Variants in UBA7 observed in about 807,000 individuals in gnomAD.
UBA7 encodes ubiquitin-like modifier-activating enzyme 7.
In UBA7, 88 loss-of-function variants were observed where a neutral mutation model predicts 113.0. The ratio of observed to expected loss-of-function variants is 0.78; its 90% CI spans 0.66 to 0.93. UBA7 has a LOEUF of 0.93. UBA7 is among the 40% of genes least tolerant of loss of function. The probability of loss-of-function intolerance (pLI) is 0.00; values close to 1 mark genes in which losing one functional copy is unlikely to be tolerated. For synonymous variants in UBA7, 459 were observed against 513.0 expected (o/e 0.89, Z 1.42); for missense variants, 1,092 against 1,266.4 (o/e 0.86, Z 2.09).
chr3:49,806,239 T>C, intron 21 of UBA7, 74 bp from the exon 22 acceptor site: 1 of 1,116,946 alleles, frequency 9.0e-7, no homozygotes, highest in Non-Finnish European at 1.3e-6. Flanking sequence ...CAGCAGCCTT[T>C]CCTAGGGGAA....
At position 49,813,760 on chromosome 3, in the gene UBA7, GTAGCTTCGA is replaced by G. The variant is rs975322514; in HGVS notation, c.19_27del (p.Ser7_Leu9del). On this transcript the variant is annotated inframe_deletion, in exon 1 of 24. Coordinates refer to ENST00000333486, the MANE Select transcript of UBA7 (RefSeq NM_003335.3). ...TGTCTTGAATACAGCTCCTCATCCA[GTAGCTTCGA>G]AGCGTCCAGGGCATCCATCCTCAAA... The G allele has an allele frequency of 6.2e-7, 1 of 1,614,124 alleles. No individual in the cohort carries two copies. Among genetic ancestry groups the G allele is most frequent in the Non-Finnish European group, 8.5e-7 (1 of 1,180,054 alleles).
chr3:49,810,269 G>A lies in UBA7; in HGVS notation c.1627C>T (p.Gln543Ter), dbSNP rs897697432. The A allele has an allele frequency of 2.5e-6, 4 of 1,613,750 alleles. No homozygotes were observed. Among genetic ancestry groups the A allele is most frequent in the African/African-American group, 2.7e-5 (2 of 74,894 alleles). The part of the protein sequence containing the change: ...DGVAAALDSF[Q>*]ARRYVAARCT... ...TCCGAAGTCAAGCACTCACGGGCCT[G>A]GAAACTGTCCAGGGCAGCAGCCACA... The change falls in exon 13 of 24, where the codon CAG (glutamine) becomes TAG (stop). Residue 543 changes from glutamine (Q) to a stop codon, truncating the protein, a stop_gained. Transcript: ENST00000333486. LOFTEE classifies it high-confidence loss of function. The surrounding 1 kb of genome is among the most constrained non-coding windows in gnomAD (Gnocchi z 5.6).
In UBA7 at chr3:49,812,459, C is replaced by T. The variant is rs779067004; in HGVS notation, c.643G>A (p.Glu215Lys). 1.2e-6 allele frequency: 2 copies of T among 1,614,246 alleles called. No individual in the cohort carries two copies. Among genetic ancestry groups the T allele is most frequent in the South Asian group, 2.2e-5 (2 of 91,088 alleles). Reference protein sequence around the residue: ...DGDLVTFSGIEGMVELNDCDP... With the variant: ...DGDLVTFSGIKGMVELNDCDP... Reference sequence around the variant, plus strand: ...CAGTCGTTGAGCTCAACCATTCCCTCAATTCCCGAGAAAGTCACCAAGTCT... The same window carrying T: ...CAGTCGTTGAGCTCAACCATTCCCTTAATTCCCGAGAAAGTCACCAAGTCT... Residue 215 changes from glutamate (E) to lysine (K), a missense_variant, in exon 6 of 24, where the codon GAG becomes AAG. Glu to Lys is a moderately conservative substitution (Grantham distance 56, BLOSUM62 1). Around this residue, in one of 3 missense-constraint regions of UBA7, gnomAD observed 584 missense variants for 714.5 expected, o/e 0.82. Coordinates refer to ENST00000333486, the MANE Select transcript of UBA7 (RefSeq NM_003335.3).
In UBA7 at chr3:49,805,942, G is replaced by A. The variant is rs149590583; in HGVS notation, c.2864C>T (p.Ala955Val). The change falls in exon 23 of 24, where the codon GCG becomes GTG. Residue 955 changes from alanine (A) to valine (V), a missense_variant. Ala to Val is a moderately conservative substitution (Grantham distance 64, BLOSUM62 0). Coordinates refer to ENST00000333486, the MANE Select transcript of UBA7 (RefSeq NM_003335.3). ...CTGCTTTTCAGGTGACCATCCGGCC[G>A]CATAGAGCAGGGCTGAGCCGTGCAG... ...ILLHGSALLY[A>V]AGWSPEKQAQ... The A allele has an allele frequency of 1.9e-4, 297 of 1,563,170 alleles. No homozygotes were observed. The East Asian group carries it at 4.2e-3, about 22-fold the overall frequency.
Position 49,809,805 on chromosome 3 carries a change from G to A in UBA7, c.1904+10C>T, listed in dbSNP as rs749063551. The A allele has an allele frequency of 1.2e-6, 2 of 1,614,158 alleles. No homozygotes were observed. Among genetic ancestry groups the A allele is most frequent in the East Asian group, 2.2e-5 (1 of 44,888 alleles). ...CCTGGACTCCCATCTGCCTCTGTTG[G>A]TGGCCTTACTGTTGGTGGTGGTTGA... On this transcript the variant is annotated intron_variant, in intron 15 of 23. Coordinates refer to ENST00000333486, the MANE Select transcript of UBA7 (RefSeq NM_003335.3).
rs1459759075 is a variant in UBA7, at chr3:49,811,288, G to A, written c.1107C>T (p.Ala369=). 1 of 1,614,026 alleles carries A rather than the reference G, an allele frequency of 6.2e-7. No homozygotes were observed. Among genetic ancestry groups the A allele is most frequent in the Admixed American group, 1.7e-5 (1 of 60,014 alleles). Residue 369 remains alanine, a synonymous_variant, in exon 9 of 24, where the codon GCC becomes GCT. Coordinates refer to ENST00000333486, the MANE Select transcript of UBA7 (RefSeq NM_003335.3). Reference sequence around the variant, plus strand: ...CTCTGCCCACCTTCAGCACTTCCTGGGCAGCTACTGCACCCAGCATGGCCA... The same window carrying A: ...CTCTGCCCACCTTCAGCACTTCCTGAGCAGCTACTGCACCCAGCATGGCCA... ...PMVAMLGAVA[A]QEVLKAISRK...
chr3:49,812,638 C>G lies in UBA7; in HGVS notation c.558+10G>C. The G allele has an allele frequency of 6.2e-7, 1 of 1,614,220 alleles. No individual in the cohort carries two copies. The highest frequency in any genetic ancestry group is 8.5e-7 in the Non-Finnish European group (1 of 1,180,050). ...GGTCAGCAGGTGAATGCCTACAGCT[C>G]AGCACCCACCTGGGAGATGTGCTGG... On this transcript the variant is annotated intron_variant, in intron 5 of 23. Transcript: ENST00000333486.
In UBA7 at chr3:49,805,283, G is replaced by A; in HGVS notation, c.*25C>T. 1 of 1,608,040 alleles carries A rather than the reference G, an allele frequency of 6.2e-7. No individual in the cohort carries two copies. Among genetic ancestry groups the A allele is most frequent in the Non-Finnish European group, 8.5e-7 (1 of 1,175,206 alleles). On this transcript the variant is annotated 3_prime_UTR_variant, in exon 24 of 24. Transcript: ENST00000333486. ...GGCTTGGGATCCGGGGCTCCATTGA[G>A]CTAGGTGACAGGGTGGCTGCCTTGT... is the stretch of plus-strand genomic sequence containing the variant.
At chr3:49,805,585 T>C in intron 23 of UBA7, 148 bp from the exon 24 acceptor site, 2 of 763,506 alleles carry the variant, frequency 2.6e-6, no homozygotes, top group East Asian at 5.4e-5. Context: ...TCTGAAACTA[T>C]TTTAGGAGCA....
rs747449993 is a variant in UBA7 at position 49,812,666 on chromosome 3, G to A, written c.540C>T (p.Ala180=). Residue 180 remains alanine (A), a synonymous_variant, in exon 5 of 24, where the codon GCC becomes GCT. Coordinates refer to ENST00000333486, the MANE Select transcript of UBA7 (RefSeq NM_003335.3). ...DPTEAEPLTA[A]IQHISQGSPG... is the part of the protein sequence containing the mutation. ...CACCCACCTGGGAGATGTGCTGGAT[G>A]GCAGCTGTCAGGGGTTCTGCCTCTG... The A allele has an allele frequency of 3.7e-6, 6 of 1,614,222 alleles. No homozygotes were observed. The highest frequency in any genetic ancestry group is 4.2e-6 in the Non-Finnish European group (5 of 1,180,036).
chr3:49,809,852 A>G lies in UBA7; in HGVS notation c.1867T>C (p.Phe623Leu). ...TTGATGGTCTCTGCAGACAGTCGGA[A>G]GAGTTCTTCAAACTCATGCCGGGCC... is the stretch of plus-strand genomic sequence containing the variant. ...QWARHEFEEL[F>L]RLSAETINHH... is the part of the protein sequence containing the mutation. Residue 623 changes from phenylalanine to leucine, a missense_variant, in exon 15 of 24, where the codon TTC becomes CTC. By Grantham distance (22) the Phe-to-Leu change is conservative. Coordinates refer to ENST00000333486, the MANE Select transcript of UBA7 (RefSeq NM_003335.3). 1 of 1,614,204 alleles carries G rather than the reference A, an allele frequency of 6.2e-7. No individual in the cohort carries two copies. Among genetic ancestry groups the G allele is most frequent in the Non-Finnish European group, 8.5e-7 (1 of 1,180,034 alleles).
chr3:49,811,754 A>G (rs1473639971), intron 8 of UBA7, 116 bp downstream of exon 8: 2 of 1,512,650 alleles, frequency 1.3e-6, no homozygotes, highest in Non-Finnish European at 1.8e-6. Flanking sequence ...TCTCTACTCT[A>G]AAGGCTGCAG....
chr3:49,813,084 C>G lies in UBA7; in HGVS notation c.445G>C (p.Ala149Pro). ...CACCCCACGAGGCCCCGGGTGTCAGCCGCCAGAAAGCAAACTCCATGCTTA... is the reference window on the plus strand; with the variant it reads ...CACCCCACGAGGCCCCGGGTGTCAGGCGCCAGAAAGCAAACTCCATGCTTA... ...CHKHGVCFLA[A>P]DTRGLVGQLF... Residue 149 changes from alanine to proline, a missense_variant, in exon 4 of 24, where the codon GCT becomes CCT. By Grantham distance (27) the Ala-to-Pro change is conservative. Around this residue, in one of 3 missense-constraint regions of UBA7, gnomAD observed 584 missense variants for 714.5 expected, o/e 0.82. Transcript: ENST00000333486. 1.2e-6 allele frequency: 2 copies of G among 1,613,808 alleles called. No individual in the cohort carries two copies. Among genetic ancestry groups the G allele is most frequent in the Non-Finnish European group, 1.7e-6 (2 of 1,179,988 alleles).
Position 49,808,366 on chromosome 3 carries a change from A to G in UBA7, c.2430+20T>C. ...CACAAACTCCCCAGCCCCACTCCTC[A>G]CTGCCACTTGGGCACCCACCTTCTC... On this transcript the variant is annotated intron_variant, in intron 19 of 23. Coordinates refer to ENST00000333486, the MANE Select transcript of UBA7 (RefSeq NM_003335.3). 3.1e-6 allele frequency: 5 copies of G among 1,614,082 alleles called. No individual in the cohort carries two copies. Among genetic ancestry groups the G allele is most frequent in the Non-Finnish European group, 4.2e-6 (5 of 1,179,964 alleles).
At position 49,813,252 on chromosome 3, in the gene UBA7, G is replaced by A. The variant is rs890818641; in HGVS notation, c.357C>T (p.Phe119=). 1.3e-5 allele frequency: 21 copies of A among 1,613,922 alleles called. No homozygotes were observed. Among genetic ancestry groups the A allele is most frequent in the Non-Finnish European group, 1.7e-5 (20 of 1,179,984 alleles). Residue 119 remains phenylalanine, a synonymous_variant, in exon 3 of 24, where the codon TTC becomes TTT. Coordinates refer to ENST00000333486, the MANE Select transcript of UBA7 (RefSeq NM_003335.3). ...GDITEDLLLD[F]QVVVLTAAKL... ...AGGGCTGCAGGCCTGAGCTGACCTG[G>A]AAGTCCAACAGCAGGTCCTCAGTGA...
In UBA7 at chr3:49,813,574, C is replaced by G. The variant is rs745698399; in HGVS notation, c.130G>C (p.Gly44Arg). 1.2e-6 allele frequency: 2 copies of G among 1,614,090 alleles called. No individual in the cohort carries two copies. The highest frequency in any genetic ancestry group is 1.7e-6 in the Non-Finnish European group (2 of 1,180,034). The change falls in exon 2 of 24, where the codon GGG becomes CGG. Residue 44 changes from glycine to arginine, a missense_variant. Coordinates refer to ENST00000333486, the MANE Select transcript of UBA7 (RefSeq NM_003335.3). ...RVLVSGLQGL[G>R]AEVAKNLVLM... ...ACCAAGTTCTTGGCCACCTCGGCCC[C>G]CAGGCCCTGCAGGCCTGACACCAGG...
At position 49,809,039 on chromosome 3, in the gene UBA7, G is replaced by A. The variant is rs373353874; in HGVS notation, c.2284C>T (p.Pro762Ser). ...ELLKLLPQPDPQQMAPIFASN... is the reference protein window; with the variant it reads ...ELLKLLPQPDSQQMAPIFASN... ...GCAAAGATGGGGGCCATCTGTTGGG[G>A]GTCAGGCTGTGGCAGCAGCTTCAGC... Residue 762 changes from proline (P) to serine (S), a missense_variant, in exon 18 of 24, where the codon CCC becomes TCC. Around this residue, in one of 3 missense-constraint regions of UBA7, gnomAD observed 500 missense variants for 529.3 expected, o/e 0.94. Transcript: ENST00000333486. The A allele has an allele frequency of 6.2e-7, 1 of 1,613,946 alleles. No homozygotes were observed. Among genetic ancestry groups the A allele is most frequent in the Non-Finnish European group, 8.5e-7 (1 of 1,180,002 alleles).
chr3:49,809,837 C>T lies in UBA7; in HGVS notation c.1882G>A (p.Glu628Lys). The T allele has an allele frequency of 6.2e-7, 1 of 1,614,158 alleles. No individual in the cohort carries two copies. Among genetic ancestry groups the T allele is most frequent in the Non-Finnish European group, 8.5e-7 (1 of 1,180,032 alleles). Reference sequence around the variant, plus strand: ...TACTGTTGGTGGTGGTTGATGGTCTCTGCAGACAGTCGGAAGAGTTCTTCA... The same window carrying T: ...TACTGTTGGTGGTGGTTGATGGTCTTTGCAGACAGTCGGAAGAGTTCTTCA... ...EFEELFRLSA[E>K]TINHHQQAHT... Residue 628 changes from glutamate (E) to lysine (K), a missense_variant, in exon 15 of 24, where the codon GAG becomes AAG. Physicochemically the swap from Glu to Lys is moderately conservative, Grantham distance 56. Coordinates refer to ENST00000333486, the MANE Select transcript of UBA7 (RefSeq NM_003335.3).
Position 49,813,870 on chromosome 3 carries a change from G to T in UBA7, c.-83C>A. On this transcript the variant is annotated 5_prime_UTR_variant, in exon 1 of 24. Transcript: ENST00000333486. Reference sequence around the variant, plus strand: ...GGTGGCGGTGACAGTAGGGGCCAGTGCCCTGCTGTAGCCAGTGCAAACAGG... The same window carrying T: ...GGTGGCGGTGACAGTAGGGGCCAGTTCCCTGCTGTAGCCAGTGCAAACAGG... 6.6e-7 allele frequency: 1 copy of T among 1,519,424 alleles called. No individual in the cohort carries two copies. The highest frequency in any genetic ancestry group is 9.0e-7 in the Non-Finnish European group (1 of 1,106,164). 94.1% of individuals were successfully genotyped at this position (1,519,424 alleles called of 1,614,324 possible).
Sources: gnomAD v4.1 joint callset for allele counts on GRCh38, gnomAD v4.1.1 for gene constraint, gnomAD v4.1.1 regional missense constraint, Gnocchi (gnomAD v3.1) non-coding constraint, MANE v1.5 for transcripts, NCBI Gene and HGNC (gene_info 2026-07-23, HGNC 2026-07-21) for gene names.